The following FAM117B variants were observed in gnomAD, a reference collection of about 807,000 sequenced individuals.
FAM117B encodes family with sequence similarity 117 member B.
Under a neutral mutation model 52.8 loss-of-function variants are expected in FAM117B, and 22 were observed. That is an observed-to-expected ratio of 0.42 (90% CI 0.30 to 0.59). The LOEUF (loss-of-function observed/expected upper bound fraction) is 0.59. FAM117B is among the 20% of genes least tolerant of loss of function. The pLI, the probability that FAM117B is intolerant of heterozygous loss-of-function variation, is 0.22. For synonymous variants in FAM117B, 309 were observed against 324.1 expected (o/e 0.95, Z 0.50); for missense variants, 678 against 802.6 (o/e 0.84, Z 1.88).
At chr2:202,666,129 G>A (rs938637547) in intron 1 of FAM117B, among the ~76,000 whole-genome samples, 1 of 152,126 alleles carries the variant, frequency 6.6e-6, no homozygotes, top group Non-Finnish European at 1.5e-5. Context: ...CTTAAATTGG[G>A]AATGGTATTG....
chr2:202,761,508 TTTTTTG>T (rs1172823467), intron 7 of FAM117B, among the ~76,000 whole-genome samples: 5 of 151,710 alleles, frequency 3.3e-5, no homozygotes, highest in East Asian at 1.9e-4. Flanking sequence ...CATGGTTGGG[TTTTTTG>T]TTTTTGTTTT....
At chr2:202,664,866 T>A (rs781545569) in intron 1 of FAM117B, among the ~76,000 whole-genome samples, 13 of 152,222 alleles carry the variant, frequency 8.5e-5, no homozygotes, top group Non-Finnish European at 1.8e-4. Flanking sequence ...GCCCCAAATA[T>A]AGCAGCTTAA....
At chr2:202,666,849 G>T (rs992858496) in intron 1 of FAM117B, among the ~76,000 whole-genome samples, 2 of 151,572 alleles carry the variant, frequency 1.3e-5, no homozygotes, top group Non-Finnish European at 2.9e-5. Context: ...GTTTCACCGT[G>T]TTAGCCAGGA....
At chr2:202,761,979 C>T (rs950755537) in intron 7 of FAM117B, among the ~76,000 whole-genome samples, 6 of 151,776 alleles carry the variant, frequency 4.0e-5, no homozygotes, top group Admixed American at 3.9e-4. Flanking sequence ...AATTAGCAGT[C>T]GTAACTAAGT....
chr2:202,731,767 CTCTT>C, intron 4 of FAM117B, among the ~76,000 whole-genome samples: 1 of 149,928 alleles, frequency 6.7e-6, no homozygotes. Context: ...CGGAGTTTCA[CTCTT>C]TATGCCCAGG....
intron 1 of FAM117B, among the ~76,000 whole-genome samples, chr2:202,694,613 A>G (rs748963942): frequency 1.3e-5 from 2 of 152,132 alleles, no homozygotes; most frequent in Non-Finnish European, 2.9e-5. Flanking sequence ...TGGATGTCTT[A>G]TAACTATTAT....
intron 1 of FAM117B, among the ~76,000 whole-genome samples, chr2:202,678,064 TATG>T (rs1421727037): frequency 2.0e-5 from 3 of 152,198 alleles, no homozygotes; most frequent in Admixed American, 6.5e-5. Flanking sequence ...GATATATTAA[TATG>T]ATATATATTA....
chr2:202,735,376 CA>C (rs1480339725), intron 4 of FAM117B, among the ~76,000 whole-genome samples: 1 of 152,088 alleles, frequency 6.6e-6, no homozygotes, highest in Non-Finnish European at 1.5e-5. Context: ...AATCTCTTAA[CA>C]TTGAAGGGAC....
At chr2:202,709,168 C>A (rs1690921422) in intron 2 of FAM117B, among the ~76,000 whole-genome samples, 1 of 151,256 alleles carries the variant, frequency 6.6e-6, no homozygotes, top group South Asian at 2.1e-4. Context: ...CTATTCAAGT[C>A]CTTAGCCCAC....
intron 1 of FAM117B, among the ~76,000 whole-genome samples, chr2:202,659,108 C>T (rs977318137): frequency 3.3e-5 from 5 of 151,752 alleles, no homozygotes; most frequent in Admixed American, 6.6e-5. Context: ...CGGGTTCAAG[C>T]GATTCTCCTA....
chr2:202,667,842 G>A (rs886912168), intron 1 of FAM117B, among the ~76,000 whole-genome samples: 18 of 152,192 alleles, frequency 1.2e-4, no homozygotes, highest in Admixed American at 6.5e-4. Flanking sequence ...GAAGTGGACA[G>A]CTAGCATGGC....
At chr2:202,726,690 A>G (rs1691250757) in intron 4 of FAM117B, among the ~76,000 whole-genome samples, 1 of 152,170 alleles carries the variant, frequency 6.6e-6, no homozygotes. Flanking sequence ...CCCTGGCTGA[A>G]TAACTTATCT....
intron 7 of FAM117B, among the ~76,000 whole-genome samples, chr2:202,761,157 A>G (rs1242375805): frequency 2.0e-5 from 3 of 152,186 alleles, no homozygotes; most frequent in African/African-American, 7.2e-5. Context: ...TTGGCCTCCT[A>G]AAATGCTGGG....
intron 1 of FAM117B, among the ~76,000 whole-genome samples, chr2:202,666,359 A>G (rs1690204902): frequency 6.6e-6 from 1 of 151,994 alleles, no homozygotes; most frequent in Non-Finnish European, 1.5e-5. Flanking sequence ...TTGCATTGGA[A>G]AAATACTTTG....
chr2:202,715,315 C>G (rs1259969120), intron 2 of FAM117B, among the ~76,000 whole-genome samples: 1 of 151,710 alleles, frequency 6.6e-6, no homozygotes, highest in Non-Finnish European at 1.5e-5. Context: ...ACCCCCACCT[C>G]CCTCCCGGAC....
chr2:202,741,543 T>A (rs558517194), intron 4 of FAM117B, among the ~76,000 whole-genome samples: 50 of 122,894 alleles, frequency 4.1e-4, no homozygotes, highest in South Asian at 9.4e-4. Context: ...TGAAAAAAAA[T>A]TTTTTTTTTT....
chr2:202,708,198 A>G (rs540820639), intron 2 of FAM117B, among the ~76,000 whole-genome samples: 2 of 152,292 alleles, frequency 1.3e-5, no homozygotes, highest in African/African-American at 2.4e-5. Context: ...TGCTTAACTG[A>G]AACTTTATTT....
chr2:202,687,935 G>C (rs1690569767), intron 1 of FAM117B, among the ~76,000 whole-genome samples: 1 of 152,108 alleles, frequency 6.6e-6, no homozygotes, highest in African/African-American at 2.4e-5. Flanking sequence ...TGAAAACTTA[G>C]TGGAGAAATT....
At chr2:202,662,016 C>T (rs751304323) in intron 1 of FAM117B, among the ~76,000 whole-genome samples, 1 of 151,894 alleles carries the variant, frequency 6.6e-6, no homozygotes, top group Admixed American at 6.6e-5. Context: ...GATACTTGCA[C>T]TCCTGTGTTT....
Sources: allele counts gnomAD v4.1 joint callset (sites outside exome capture counted in the v4.1 genomes callset), GRCh38; gene constraint gnomAD v4.1.1; transcripts MANE v1.5; gene names NCBI Gene and HGNC (gene_info 2026-07-23, HGNC 2026-07-21).